Variants in ADAMTS12 observed in about 807,000 individuals in gnomAD.
The protein encoded by ADAMTS12 is A disintegrin and metalloproteinase with thrombospondin motifs 12.
ADAMTS12 carries 118 observed loss-of-function variants against 167.8 expected under a neutral mutation model. The observed-to-expected ratio is 0.70, with a 90% confidence interval of 0.61 to 0.82. The LOEUF (loss-of-function observed/expected upper bound fraction) is 0.82. Ranked by LOEUF, ADAMTS12 falls within the 40% of genes least tolerant of loss-of-function variation. The pLI, the probability that ADAMTS12 is intolerant of heterozygous loss-of-function variation, is 0.00. For missense variants in ADAMTS12, 1,916 were observed against 1,998.8 expected (o/e 0.96, Z 0.79); for synonymous variants, 704 against 716.9 (o/e 0.98, Z 0.29).
At chr5:33,777,829 T>G (rs1452452257) in intron 2 of ADAMTS12, among the ~76,000 whole-genome samples, 1 of 152,012 alleles carries the variant, frequency 6.6e-6, no homozygotes, top group Admixed American at 6.6e-5. Context: ...TCAGTAAGGT[T>G]GCAAATACAA....
intron 16 of ADAMTS12, among the ~76,000 whole-genome samples, chr5:33,604,507 T>TAAA (rs111633754): frequency 5.0e-5 from 7 of 140,828 alleles, no homozygotes; most frequent in African/African-American, 1.8e-4. Flanking sequence ...ATCTCAAAAT[T>TAAA]AAAAAAAAAG....
Position 33,639,576 on chromosome 5 carries a change from C to T in ADAMTS12, c.1719-1830G>A, listed in dbSNP as rs964360190. 2.6e-5 allele frequency among the ~76,000 whole-genome samples: 4 copies of T among 152,150 alleles called. No individual in the cohort carries two copies. The East Asian group carries it at 5.8e-4, about 22-fold the overall frequency. On this transcript the variant is annotated intron_variant, in intron 11 of 23. Coordinates refer to ENST00000504830, the MANE Select transcript of ADAMTS12 (RefSeq NM_030955.4). Reference sequence around the variant, plus strand: ...GTCGAGCGAGCAGTCCAGATGAAATCGTATTCCAGGGACACAGAAAGCTAG... The same window carrying T: ...GTCGAGCGAGCAGTCCAGATGAAATTGTATTCCAGGGACACAGAAAGCTAG...
chr5:33,737,369 T>C (rs7732127), intron 3 of ADAMTS12, among the ~76,000 whole-genome samples: 4,872 of 152,310 alleles, frequency 0.032, 266 homozygotes, highest in African/African-American at 0.11. Context: ...TTGGAATTTT[T>C]GCAATTCTAA....
intron 22 of ADAMTS12, among the ~76,000 whole-genome samples, chr5:33,545,371 G>T (rs1405213288): frequency 6.6e-6 from 1 of 152,220 alleles, no homozygotes. Context: ...ACAGATGCTG[G>T]AGAAGATTTG....
rs2591737 is a variant in ADAMTS12, at chr5:33,843,692, C to T, written c.489+37427G>A. Among the ~76,000 whole-genome samples the T allele has an allele frequency of 4.3e-3, 653 of 152,262 alleles. 17 individuals carry two copies. The East Asian group carries it at 0.093, about 22-fold the overall frequency. ...ACCTCTTATCCACAGAGGATATGTT[C>T]CAAGACCTCCACTGGATGCCTGAGA... On this transcript the variant is annotated intron_variant, in intron 2 of 23. Transcript: ENST00000504830.
intron 2 of ADAMTS12, among the ~76,000 whole-genome samples, chr5:33,847,072 G>T (rs1158714012): frequency 6.6e-6 from 1 of 152,192 alleles, no homozygotes; most frequent in Non-Finnish European, 1.5e-5. Flanking sequence ...AAACAACTTC[G>T]TGGGGGTCTG....
chr5:33,882,492 C>T (rs1346810742), intron 1 of ADAMTS12, among the ~76,000 whole-genome samples: 1 of 152,118 alleles, frequency 6.6e-6, no homozygotes, highest in East Asian at 1.9e-4. Flanking sequence ...CCACTACCTC[C>T]TTATTTTGAT....
At chr5:33,574,349 A>T (rs1303610030) in intron 19 of ADAMTS12, among the ~76,000 whole-genome samples, 1 of 152,048 alleles carries the variant, frequency 6.6e-6, no homozygotes. Context: ...AACCAACCCA[A>T]ATGTCCAACA....
intron 5 of ADAMTS12, among the ~76,000 whole-genome samples, chr5:33,675,303 T>C (rs567921640): frequency 6.6e-6 from 1 of 152,250 alleles, no homozygotes; most frequent in African/African-American, 2.4e-5. Flanking sequence ...ACCATCTAAA[T>C]ATATGGGCAG....
At chr5:33,860,849 T>G (rs565916915) in intron 2 of ADAMTS12, among the ~76,000 whole-genome samples, 8 of 152,292 alleles carry the variant, frequency 5.3e-5, no homozygotes, top group Admixed American at 4.6e-4. Context: ...GCAGAAACCC[T>G]ATAAGCCAGA....
chr5:33,607,060 A>G (rs1370312778), intron 16 of ADAMTS12, among the ~76,000 whole-genome samples: 1 of 152,210 alleles, frequency 6.6e-6, no homozygotes, highest in East Asian at 1.9e-4. Flanking sequence ...AACAGATTCA[A>G]CACTCATTTA....
intron 3 of ADAMTS12, among the ~76,000 whole-genome samples, chr5:33,720,109 A>G (rs1450125074): frequency 1.3e-5 from 2 of 152,110 alleles, no homozygotes; most frequent in African/African-American, 2.4e-5. Context: ...ACATCCAGAC[A>G]TCCATGATTG....
intron 23 of ADAMTS12, 145 bp from the exon 24 acceptor site, chr5:33,527,511 T>C: frequency 2.6e-6 from 2 of 771,600 alleles, no homozygotes; most frequent in Non-Finnish European, 4.1e-6. Flanking sequence ...CTACTGAATG[T>C]TTATTATGTA....
chr5:33,765,011 C>T (rs1413463927), intron 2 of ADAMTS12, among the ~76,000 whole-genome samples: 1 of 152,148 alleles, frequency 6.6e-6, no homozygotes, highest in Non-Finnish European at 1.5e-5. Flanking sequence ...GCAAGCTAGG[C>T]AGGAAGTCCT....
intron 19 of ADAMTS12, among the ~76,000 whole-genome samples, chr5:33,563,511 T>G (rs530588032): frequency 3.3e-5 from 5 of 152,358 alleles, no homozygotes; most frequent in Admixed American, 3.3e-4. Flanking sequence ...CTGTGGCGAC[T>G]GACTAACCAA....
chr5:33,734,016 C>T (rs909626477), intron 3 of ADAMTS12, among the ~76,000 whole-genome samples: 13 of 147,898 alleles, frequency 8.8e-5, no homozygotes, highest in Admixed American at 7.3e-4. Flanking sequence ...CACACACACA[C>T]ACACACACAC....
chr5:33,612,627 T>C (rs777766053), intron 16 of ADAMTS12, among the ~76,000 whole-genome samples: 2 of 152,192 alleles, frequency 1.3e-5, no homozygotes, highest in Admixed American at 6.5e-5. Flanking sequence ...AGTATTTATA[T>C]CTATAGTCAC....
intron 3 of ADAMTS12, among the ~76,000 whole-genome samples, chr5:33,704,369 C>T (rs770444700): frequency 5.9e-5 from 9 of 152,178 alleles, no homozygotes; most frequent in East Asian, 5.8e-4. Context: ...CACCCAGAAG[C>T]GGGATTGCTG....
intron 22 of ADAMTS12, among the ~76,000 whole-genome samples, chr5:33,539,315 C>A (rs546213943): frequency 3.5e-4 from 53 of 151,982 alleles, no homozygotes; most frequent in African/African-American, 1.2e-3. Context: ...AGAATAATAC[C>A]TCTTTCCTTC....
Sources: allele counts gnomAD v4.1 joint callset (sites outside exome capture counted in the v4.1 genomes callset), GRCh38; gene constraint gnomAD v4.1.1; transcripts MANE v1.5; gene names NCBI Gene and HGNC (gene_info 2026-07-23, HGNC 2026-07-21).